Variants in TXNDC16 observed in about 807,000 individuals in gnomAD.
TXNDC16 encodes the protein thioredoxin domain containing 16, also known as thioredoxin domain-containing protein 16.
In TXNDC16, 74 loss-of-function variants were observed where a neutral mutation model predicts 85.6. That is an observed-to-expected ratio of 0.86 (90% confidence interval 0.72 to 1.05). The LOEUF (loss-of-function observed/expected upper bound fraction) is 1.05. Ranked by LOEUF, TXNDC16 falls within the 50% of genes least tolerant of loss-of-function variation. The pLI, the probability that TXNDC16 is intolerant of heterozygous loss-of-function variation, is 0.00. For synonymous variants in TXNDC16, 335 were observed against 326.5 expected (o/e 1.03, Z -0.28); for missense variants, 959 against 947.0 (o/e 1.01, Z -0.17).
In TXNDC16 at chr14:52,455,088, C is replaced by G. The variant is rs190506210; in HGVS notation, c.1842+236G>C. On this transcript the variant is annotated intron_variant, in intron 18 of 20. Coordinates refer to ENST00000281741, the MANE Select transcript of TXNDC16 (RefSeq NM_020784.3). ...AACAAGTTTCACCCTGGATTAAGCA[C>G]GTGAACTGAACTTCGGCCACACTAG... Among the ~76,000 whole-genome samples the G allele has an allele frequency of 4.6e-5, 7 of 152,268 alleles. No individual in the cohort carries two copies. In the East Asian group the frequency reaches 1.3e-3, roughly 29 times the overall value.
chr14:52,475,987 T>C (rs2036011800), intron 14 of TXNDC16, among the ~76,000 whole-genome samples: 1 of 152,160 alleles, frequency 6.6e-6, no homozygotes, highest in Non-Finnish European at 1.5e-5. Flanking sequence ...GACCCACAGA[T>C]GGTTGACACC....
intron 1 of TXNDC16, among the ~76,000 whole-genome samples, chr14:52,550,685 A>C (rs920989731): frequency 5.9e-5 from 9 of 152,318 alleles, no homozygotes; most frequent in African/African-American, 2.2e-4. Context: ...AAAACCTTTT[A>C]AAGTCTATTG....
intron 20 of TXNDC16, among the ~76,000 whole-genome samples, 189 bp downstream of exon 20, chr14:52,439,015 G>A (rs961394173): frequency 2.0e-5 from 3 of 152,060 alleles, no homozygotes; most frequent in African/African-American, 7.2e-5. Context: ...TCAAGAAACA[G>A]GCCTTCACAG....
At position 52,515,000 on chromosome 14, in the gene TXNDC16, C is replaced by G. The variant is rs1426853349; in HGVS notation, c.515-30G>C. On this transcript the variant is annotated intron_variant, in intron 7 of 20. Transcript: ENST00000281741. ...AGAAGAGATAAAGGGAGTTGGAAGA[C>G]AGGAAAAAATAGTTTGTGTGACTCT... 1.9e-6 allele frequency: 3 copies of G among 1,551,110 alleles called. No homozygotes were observed. In the African/African-American group the frequency reaches 4.1e-5, roughly 21 times the overall value.
At chr14:52,497,966 T>C (rs1027727027) in intron 9 of TXNDC16, among the ~76,000 whole-genome samples, 3 of 151,592 alleles carry the variant, frequency 2.0e-5, no homozygotes, top group Non-Finnish European at 4.4e-5. Context: ...GGATTTATGC[T>C]TGCAATGCAA....
rs1397825304 is a variant in TXNDC16 at position 52,526,855 on chromosome 14, T to C, written c.393-7562A>G. On this transcript the variant is annotated intron_variant, in intron 6 of 20. Coordinates refer to ENST00000281741, the MANE Select transcript of TXNDC16 (RefSeq NM_020784.3). Reference sequence around the variant, plus strand: ...GGGCTGAAGGTTAGTTGGTCACCAATGGCCAATGGTTTAATCAATCATATC... The same window carrying C: ...GGGCTGAAGGTTAGTTGGTCACCAACGGCCAATGGTTTAATCAATCATATC... Among the ~76,000 whole-genome samples, 6 of 152,296 alleles carry C rather than the reference T, an allele frequency of 3.9e-5. No homozygotes were observed. The East Asian group carries it at 9.7e-4, about 25-fold the overall frequency.
At chr14:52,497,559 A>G (rs2036559950) in intron 9 of TXNDC16, among the ~76,000 whole-genome samples, 1 of 152,212 alleles carries the variant, frequency 6.6e-6, no homozygotes, top group African/African-American at 2.4e-5. Flanking sequence ...TCCCTAATGA[A>G]TATTAAGGCA....
At position 52,430,737 on chromosome 14, in the gene TXNDC16, T is replaced by G. The variant is rs2034872523; in HGVS notation, c.*1567A>C. The G allele has an allele frequency of 6.6e-6, 1 of 152,246 alleles. No homozygotes were observed. 9.4% of individuals were successfully genotyped at this position (152,246 alleles called of 1,614,324 possible). ...TAGCATTTTCTAATAATTAGGCTAA[T>G]GATGTTTTATTACTACAACCTATAT... is the stretch of plus-strand genomic sequence containing the variant. On this transcript the variant is annotated 3_prime_UTR_variant, in exon 21 of 21. Coordinates refer to ENST00000281741, the MANE Select transcript of TXNDC16 (RefSeq NM_020784.3).
intron 7 of TXNDC16, 87 bp from the exon 8 acceptor site, chr14:52,515,057 A>C: frequency 1.1e-6 from 1 of 930,758 alleles, no homozygotes; most frequent in Non-Finnish European, 1.6e-6. Flanking sequence ...ATTATCCTAC[A>C]CTCCTTTATG....
intron 9 of TXNDC16, among the ~76,000 whole-genome samples, chr14:52,494,827 A>G (rs1372523273): frequency 1.3e-5 from 2 of 152,258 alleles, no homozygotes; most frequent in African/African-American, 4.8e-5. Context: ...GGAATTAAGC[A>G]TGTTTTCCCA....
intron 6 of TXNDC16, among the ~76,000 whole-genome samples, chr14:52,527,387 G>T (rs1045909816): frequency 1.3e-5 from 2 of 152,174 alleles, no homozygotes; most frequent in African/African-American, 4.8e-5. Context: ...CAAACATCTG[G>T]TCACAGAAGT....
Position 52,537,646 on chromosome 14 carries a change from T to C in TXNDC16, c.270A>G (p.Ser90=). 6.3e-7 allele frequency: 1 copy of C among 1,590,344 alleles called. No homozygotes were observed. The highest frequency in any genetic ancestry group is 8.6e-7 in the Non-Finnish European group (1 of 1,160,582). Reference sequence around the variant, plus strand: ...AATCCTTTTCTTTTCCACAGTATCTTGATATTTCTTCTTTGACACAATTAA... The same window carrying C: ...AATCCTTTTCTTTTCCACAGTATCTCGATATTTCTTCTTTGACACAATTAA... The part of the protein sequence containing the change: ...AKVNCVKEEI[S]RYCGKEKDLM... The change falls in exon 5 of 21, where the codon TCA becomes TCG. Residue 90 remains serine (S), a synonymous_variant. Coordinates refer to ENST00000281741, the MANE Select transcript of TXNDC16 (RefSeq NM_020784.3).
At chr14:52,484,271 T>C (rs760576522) in intron 12 of TXNDC16, among the ~76,000 whole-genome samples, 2 of 151,902 alleles carry the variant, frequency 1.3e-5, no homozygotes, top group Non-Finnish European at 2.9e-5. Context: ...ATAACAAGAA[T>C]TTGTTCTATT....
intron 9 of TXNDC16, among the ~76,000 whole-genome samples, chr14:52,507,493 G>A (rs2036840382): frequency 6.6e-6 from 1 of 152,078 alleles, no homozygotes; most frequent in African/African-American, 2.4e-5. Flanking sequence ...TACTGCCCAA[G>A]GTAATTTATA....
intron 16 of TXNDC16, among the ~76,000 whole-genome samples, chr14:52,464,470 TAG>T (rs2035725497): frequency 6.6e-6 from 1 of 152,156 alleles, no homozygotes; most frequent in Non-Finnish European, 1.5e-5. Flanking sequence ...GAAGGAGGCC[TAG>T]TGTGAATAAT....
intron 6 of TXNDC16, among the ~76,000 whole-genome samples, chr14:52,532,617 T>A (rs1410134025): frequency 6.6e-6 from 1 of 152,036 alleles, no homozygotes; most frequent in Non-Finnish European, 1.5e-5. Flanking sequence ...TTTGTATTTT[T>A]AGTAGAGACA....
chr14:52,468,620 A>G (rs778248361), intron 16 of TXNDC16, among the ~76,000 whole-genome samples: 5 of 152,192 alleles, frequency 3.3e-5, no homozygotes, highest in Non-Finnish European at 4.4e-5. Context: ...GCTCATGCCT[A>G]TACTACCAGC....
intron 20 of TXNDC16, among the ~76,000 whole-genome samples, chr14:52,435,031 G>A (rs563435068): frequency 6.6e-6 from 1 of 152,318 alleles, no homozygotes; most frequent in East Asian, 1.9e-4. Context: ...GTTCCTTGCA[G>A]GAAAGGATCT....
chr14:52,469,573 T>C (rs1007963622), intron 16 of TXNDC16, among the ~76,000 whole-genome samples: 1 of 151,752 alleles, frequency 6.6e-6, no homozygotes, highest in Non-Finnish European at 1.5e-5. Context: ...TGAAACCCCG[T>C]CTCTACTAAA....
Sources: allele counts gnomAD v4.1 joint callset (sites outside exome capture counted in the v4.1 genomes callset), GRCh38; gene constraint gnomAD v4.1.1; transcripts MANE v1.5; gene names NCBI Gene and HGNC (gene_info 2026-07-23, HGNC 2026-07-21).